CPQ: variants seen among roughly 807,000 people sequenced by gnomAD.
The protein encoded by CPQ is carboxypeptidase Q.
CPQ carries 37 observed loss-of-function variants against 45.7 expected under a neutral mutation model. The observed-to-expected ratio is 0.81, with a 90% confidence interval of 0.62 to 1.07. The LOEUF is 1.07. Ranked by LOEUF, CPQ falls within the 50% of genes least tolerant of loss-of-function variation. The pLI is 0.00. For missense variants in CPQ, 537 were observed against 572.9 expected, an observed-to-expected ratio of 0.94 and a Z score of 0.64; for synonymous variants, 186 against 205.8, an observed-to-expected ratio of 0.90 and a Z score of 0.82.
rs749200973 is a variant in CPQ, at chr8:97,029,495, G to A, written c.1053+1G>A. On this transcript the variant is annotated splice_donor_variant, in intron 6 of 7. Transcript: ENST00000220763. LOFTEE classifies it high-confidence loss of function. ...CTTCCAGTATTATCAGTTACACAAG[G>A]TAAAAACCCAGCTGTGGATTGCTAA... 26 of 1,600,564 alleles carry A rather than the reference G, an allele frequency of 1.6e-5. No homozygotes were observed. In the East Asian group the frequency reaches 3.8e-4, roughly 23 times the overall value.
intron 3 of CPQ, among the ~76,000 whole-genome samples, chr8:96,869,463 T>A (rs1261094360): frequency 2.6e-5 from 4 of 152,094 alleles, no homozygotes; most frequent in African/African-American, 9.7e-5. Context: ...GATGTAATAT[T>A]GTTCAAAATA....
At chr8:96,757,795 T>C (rs1810347041) in intron 1 of CPQ, among the ~76,000 whole-genome samples, 1 of 152,166 alleles carries the variant, frequency 6.6e-6, no homozygotes, top group South Asian at 2.1e-4. Flanking sequence ...CTATTTTTTC[T>C]GTTGTTGAAG....
intron 1 of CPQ, among the ~76,000 whole-genome samples, chr8:96,697,342 T>C (rs1292390716): frequency 1.3e-5 from 2 of 152,136 alleles, no homozygotes. Context: ...ATAAAAACTC[T>C]GAAAAACTGG....
At chr8:96,761,233 G>A (rs1359825148) in intron 1 of CPQ, 3 of 152,172 alleles carry the variant, frequency 2.0e-5, no homozygotes, top group Non-Finnish European at 4.4e-5. Context: ...CTTGTGGGAA[G>A]AAAGCCGCAC....
chr8:96,677,247 A>G (rs1011876972), intron 1 of CPQ, among the ~76,000 whole-genome samples: 1 of 152,184 alleles, frequency 6.6e-6, no homozygotes, highest in African/African-American at 2.4e-5. Flanking sequence ...AGGAATCTCC[A>G]TACTGTTTTC....
Position 96,784,926 on chromosome 8 carries a change from G to A in CPQ, c.29G>A (p.Gly10Asp), listed in dbSNP as rs1810741783. Residue 10 changes from glycine (G) to aspartate (D), a missense_variant, in exon 2 of 8, where the codon GGT becomes GAT. Gly to Asp is a moderately conservative substitution (Grantham distance 94). Transcript: ENST00000220763. MKFLIFAFF[G>D]GVHLLSLCSG... Reference sequence around the variant, plus strand: ...AAATTCCTTATCTTCGCATTTTTCGGTGGTGTTCACCTTTTATCCCTGTGC... The same window carrying A: ...AAATTCCTTATCTTCGCATTTTTCGATGGTGTTCACCTTTTATCCCTGTGC... 3 of 1,605,182 alleles carry A rather than the reference G, an allele frequency of 1.9e-6. No homozygotes were observed. Among genetic ancestry groups the A allele is most frequent in the Admixed American group, 1.7e-5 (1 of 57,852 alleles).
At chr8:96,905,760 CAAAAA>C (rs747470074) in intron 4 of CPQ, among the ~76,000 whole-genome samples, 6 of 64,856 alleles carry the variant, frequency 9.3e-5, no homozygotes, top group Non-Finnish European at 1.6e-4. Flanking sequence ...CTGTCTTAAC[CAAAAA>C]AAAAAAAAAA....
intron 1 of CPQ, among the ~76,000 whole-genome samples, chr8:96,726,655 A>T (rs896388330): frequency 6.6e-6 from 1 of 152,100 alleles, no homozygotes; most frequent in Non-Finnish European, 1.5e-5. Context: ...TTCACGAGAA[A>T]TCCACCTCCA....
At chr8:97,109,644 T>G (rs1448432188) in intron 7 of CPQ, among the ~76,000 whole-genome samples, 1 of 152,066 alleles carries the variant, frequency 6.6e-6, no homozygotes, top group Non-Finnish European at 1.5e-5. Flanking sequence ...TACACACAAA[T>G]GATTTTTTTT....
chr8:96,720,515 G>GTGC (rs1809748219), intron 1 of CPQ, among the ~76,000 whole-genome samples: 1 of 152,156 alleles, frequency 6.6e-6, no homozygotes, highest in African/African-American at 2.4e-5. Context: ...AAAGCTCTAG[G>GTGC]TGCTGCCTAA....
chr8:97,039,450 A>C (rs893757275), intron 6 of CPQ, among the ~76,000 whole-genome samples: 1 of 150,958 alleles, frequency 6.6e-6, no homozygotes, highest in Non-Finnish European at 1.5e-5. Flanking sequence ...AATATTAAAC[A>C]ATTGTGATTC....
chr8:96,679,070 G>A (rs1809113973), intron 1 of CPQ, among the ~76,000 whole-genome samples: 1 of 151,952 alleles, frequency 6.6e-6, no homozygotes, highest in Admixed American at 6.6e-5. Flanking sequence ...TCCGTTTTGA[G>A]TTTATTTTTG....
At chr8:96,772,049 A>G (rs189906358) in intron 1 of CPQ, among the ~76,000 whole-genome samples, 2 of 152,290 alleles carry the variant, frequency 1.3e-5, no homozygotes, top group East Asian at 3.9e-4. Context: ...TGAGTAGGGT[A>G]TATCTTGAAT....
intron 5 of CPQ, 41 bp downstream of exon 5, chr8:96,966,087 C>G (rs1586471058): frequency 2.1e-6 from 3 of 1,408,686 alleles, no homozygotes; most frequent in East Asian, 2.3e-5. Flanking sequence ...GTGAGGATCT[C>G]AGTGACATGT....
chr8:96,961,400 G>T (rs1011407357), intron 4 of CPQ, among the ~76,000 whole-genome samples: 1 of 151,824 alleles, frequency 6.6e-6, no homozygotes, highest in Non-Finnish European at 1.5e-5. Flanking sequence ...GGGTTGCTTG[G>T]CTTTTTTATT....
intron 5 of CPQ, among the ~76,000 whole-genome samples, chr8:97,011,143 AC>A (rs755203352): frequency 1.2e-4 from 19 of 152,170 alleles, no homozygotes; most frequent in Admixed American, 3.3e-4. Context: ...TAATTTTTAG[AC>A]CCAGCAGTTG....
At chr8:96,893,859 C>T (rs955619355) in intron 4 of CPQ, among the ~76,000 whole-genome samples, 11 of 152,106 alleles carry the variant, frequency 7.2e-5, no homozygotes, top group Non-Finnish European at 1.5e-4. Flanking sequence ...AATATGTCCA[C>T]ATTTTTTTTT....
At chr8:96,946,669 T>A (rs947581430) in intron 4 of CPQ, among the ~76,000 whole-genome samples, 1 of 145,506 alleles carries the variant, frequency 6.9e-6, no homozygotes, top group African/African-American at 2.5e-5. Context: ...TAAACTAGTA[T>A]TTCTGGTACC....
intron 2 of CPQ, among the ~76,000 whole-genome samples, chr8:96,829,806 T>A (rs1314116542): frequency 6.6e-6 from 1 of 152,158 alleles, no homozygotes. Flanking sequence ...AAGTTATTGT[T>A]TACTTATTTT....
Sources: gnomAD v4.1 joint callset for allele counts (sites outside exome capture counted in the v4.1 genomes callset) on GRCh38, gnomAD v4.1.1 for gene constraint, MANE v1.5 for transcripts, NCBI Gene and HGNC (gene_info 2026-07-23, HGNC 2026-07-21) for gene names.